ARID4B: variants seen among roughly 807,000 people sequenced by gnomAD.
ARID4B encodes AT-rich interactive domain-containing protein 4B.
In ARID4B, 26 loss-of-function variants were observed where a neutral mutation model predicts 147.5. The ratio of observed to expected loss-of-function variants is 0.18; its 90% CI spans 0.13 to 0.24. ARID4B has a LOEUF of 0.24. Ranked by LOEUF, ARID4B falls within the 10% of genes least tolerant of loss-of-function variation. The pLI is 1.00. For synonymous variants in ARID4B, 512 were observed against 507.9 expected, an observed-to-expected ratio of 1.01 and a Z score of -0.11; for missense variants, 1,179 against 1,511.5, an observed-to-expected ratio of 0.78 and a Z score of 3.65.
intron 6 of ARID4B, among the ~76,000 whole-genome samples, chr1:235,251,012 C>T (rs909427492): frequency 4.6e-5 from 7 of 152,124 alleles, no homozygotes; most frequent in Non-Finnish European, 8.8e-5. Context: ...AATAATTCCA[C>T]GAACTCAGGG....
chr1:235,300,611 A>G (rs1208718945), intron 2 of ARID4B, among the ~76,000 whole-genome samples: 1 of 152,202 alleles, frequency 6.6e-6, no homozygotes, highest in Non-Finnish European at 1.5e-5. Flanking sequence ...GCAGTACTCA[A>G]TAAACTTCAT....
intron 2 of ARID4B, among the ~76,000 whole-genome samples, chr1:235,320,702 T>C (rs1674757456): frequency 6.6e-6 from 1 of 152,096 alleles, no homozygotes; most frequent in Non-Finnish European, 1.5e-5. Context: ...TCTGACCTCC[T>C]CTCCTACCAC....
chr1:235,257,281 T>A, intron 3 of ARID4B, 56 bp from the exon 4 acceptor site: 3 of 1,097,874 alleles, frequency 2.7e-6, no homozygotes, highest in Non-Finnish European at 4.2e-6. Context: ...CACAAGCTCA[T>A]CAATGCACCA....
chr1:235,309,457 A>G (rs12751417), intron 2 of ARID4B, among the ~76,000 whole-genome samples: 36,613 of 127,604 alleles, frequency 0.29, 6,290 homozygotes, highest in South Asian at 0.53. Context: ...CAGCCGCCCC[A>G]TCCGGGAGGT....
intron 19 of ARID4B, among the ~76,000 whole-genome samples, chr1:235,183,553 A>G (rs558203888): frequency 1.3e-5 from 2 of 151,862 alleles, no homozygotes; most frequent in African/African-American, 4.8e-5. Context: ...TTTTCTTTTC[A>G]TCAGAGACGG....
intron 2 of ARID4B, among the ~76,000 whole-genome samples, chr1:235,287,374 C>T (rs936115409): frequency 6.6e-6 from 1 of 152,022 alleles, no homozygotes; most frequent in Non-Finnish European, 1.5e-5. Flanking sequence ...GAGAGACACC[C>T]AAACTGCAGG....
At chr1:235,324,592 G>A (rs1675091249) in intron 2 of ARID4B, among the ~76,000 whole-genome samples, 1 of 152,168 alleles carries the variant, frequency 6.6e-6, no homozygotes, top group African/African-American at 2.4e-5. Context: ...AATATGTTTG[G>A]TAAGATCCAA....
At chr1:235,216,341 G>A (rs1558211202) in intron 16 of ARID4B, among the ~76,000 whole-genome samples, 1 of 146,060 alleles carries the variant, frequency 6.8e-6, no homozygotes, top group Non-Finnish European at 1.5e-5. Context: ...ACATATATAC[G>A]TGTATATATA....
chr1:235,184,635 A>G (rs948457800), intron 19 of ARID4B, among the ~76,000 whole-genome samples: 4 of 152,154 alleles, frequency 2.6e-5, no homozygotes, highest in African/African-American at 9.7e-5. Flanking sequence ...CACCTTTACA[A>G]TGTGTGTCTG....
intron 2 of ARID4B, among the ~76,000 whole-genome samples, chr1:235,323,772 A>G: frequency 6.6e-6 from 1 of 152,030 alleles, no homozygotes; most frequent in East Asian, 1.9e-4. Flanking sequence ...CAACAAGAGC[A>G]AAAGTCCGTC....
Position 235,181,679 on chromosome 1 carries a change from G to C in ARID4B, c.3240C>G (p.Asp1080Glu). 1 of 1,614,042 alleles carries C rather than the reference G, an allele frequency of 6.2e-7. No homozygotes were observed. Among genetic ancestry groups the C allele is most frequent in the Non-Finnish European group, 8.5e-7 (1 of 1,180,012 alleles). The change falls in exon 20 of 24, where the codon GAC becomes GAG. Residue 1080 changes from aspartate (D) to glutamate (E), a missense_variant. Physicochemically the swap from Asp to Glu is conservative, Grantham distance 45 (BLOSUM62 2). Transcript: ENST00000264183. ...EVDSVAGELQ[D>E]LQSEGNSSPA... ...GCGAGCTATTCCCTTCAGACTGGAGGTCTTGGAGCTCCCCAGCAACACTAT... is the reference window on the plus strand; with the variant it reads ...GCGAGCTATTCCCTTCAGACTGGAGCTCTTGGAGCTCCCCAGCAACACTAT...
intron 2 of ARID4B, among the ~76,000 whole-genome samples, chr1:235,289,336 T>C (rs1238082707): frequency 6.6e-6 from 1 of 152,164 alleles, no homozygotes; most frequent in Non-Finnish European, 1.5e-5. Context: ...AAAATATAAA[T>C]GACAAACTCT....
intron 19 of ARID4B, among the ~76,000 whole-genome samples, chr1:235,189,001 A>G (rs916158998): frequency 5.3e-5 from 8 of 152,208 alleles, no homozygotes; most frequent in African/African-American, 9.6e-5. Flanking sequence ...CCTTTGAAAG[A>G]TCAAAATCCG....
intron 2 of ARID4B, among the ~76,000 whole-genome samples, chr1:235,277,174 A>G (rs369918009): frequency 2.0e-5 from 3 of 152,220 alleles, no homozygotes; most frequent in South Asian, 2.1e-4. Flanking sequence ...TGAGCTCAGG[A>G]GGCCAAAGGT....
intron 2 of ARID4B, among the ~76,000 whole-genome samples, chr1:235,287,903 C>A (rs908672525): frequency 2.0e-5 from 3 of 152,246 alleles, no homozygotes; most frequent in Non-Finnish European, 4.4e-5. Flanking sequence ...TCCAGTCTTA[C>A]TCTGCCTTTA....
chr1:235,257,384 A>G (rs907113241), intron 3 of ARID4B, among the ~76,000 whole-genome samples, 159 bp from the exon 4 acceptor site: 1 of 152,226 alleles, frequency 6.6e-6, no homozygotes, highest in Admixed American at 6.5e-5. Flanking sequence ...AAAATTATTT[A>G]CAGACAACTG....
intron 2 of ARID4B, among the ~76,000 whole-genome samples, chr1:235,310,245 C>T (rs1673950352): frequency 8.3e-6 from 1 of 121,148 alleles, no homozygotes; most frequent in Non-Finnish European, 1.8e-5. Flanking sequence ...CAAGTAAATT[C>T]TAAATTTAAA....
At chr1:235,269,423 G>C (rs1490915241) in intron 2 of ARID4B, among the ~76,000 whole-genome samples, 1 of 152,174 alleles carries the variant, frequency 6.6e-6, no homozygotes, top group Non-Finnish European at 1.5e-5. Context: ...AATATCAAAA[G>C]AGCAACTTTC....
chr1:235,182,210 T>C lies in ARID4B; in HGVS notation c.2709A>G (p.Glu903=), dbSNP rs1230678418. 6.2e-7 allele frequency: 1 copy of C among 1,613,550 alleles called. No homozygotes were observed. Among genetic ancestry groups the C allele is most frequent in the Non-Finnish European group, 8.5e-7 (1 of 1,179,900 alleles). ...AGTTATTTAAAAGTTTAATCCTTTT[T>C]TCTGCCACTTCTGAAAATCCTGAAT... ...GFYSGFSEVA[E]KRIKLLNNSD... Residue 903 remains glutamate (E), a synonymous_variant, in exon 20 of 24, where the codon GAA becomes GAG. Coordinates refer to ENST00000264183, the MANE Select transcript of ARID4B (RefSeq NM_016374.6).
Sources: gnomAD v4.1 joint callset for allele counts (sites outside exome capture counted in the v4.1 genomes callset) on GRCh38, gnomAD v4.1.1 for gene constraint, MANE v1.5 for transcripts, NCBI Gene and HGNC (gene_info 2026-07-23, HGNC 2026-07-21) for gene names.